The following RHBDL2 variants were observed in gnomAD, a reference collection of about 807,000 sequenced individuals.
The protein encoded by RHBDL2 is rhomboid-related protein 2.
In RHBDL2, 26 loss-of-function variants were observed where a neutral mutation model predicts 31.7. The observed-to-expected ratio is 0.82, with a 90% CI of 0.60 to 1.14. The LOEUF (loss-of-function observed/expected upper bound fraction) is 1.14. Among genes scored for constraint, RHBDL2 ranks in the 50% most tolerant of loss-of-function variants. RHBDL2 has a pLI of 0.00. For synonymous variants in RHBDL2, 123 were observed against 127.2 expected (o/e 0.97, Z 0.22); for missense variants, 336 against 364.4 (o/e 0.92, Z 0.63).
intron 4 of RHBDL2, among the ~76,000 whole-genome samples, chr1:38,898,987 C>T (rs541391422): frequency 2.0e-5 from 3 of 152,302 alleles, no homozygotes; most frequent in Non-Finnish European, 2.9e-5. Flanking sequence ...CAAAACCACA[C>T]ACTGCAGAGG....
chr1:38,922,316 G>A (rs376634277), intron 1 of RHBDL2, among the ~76,000 whole-genome samples: 6 of 134,186 alleles, frequency 4.5e-5, no homozygotes, highest in African/African-American at 1.8e-4. Flanking sequence ...CACCCAGGCT[G>A]GAGTACAGTG....
chr1:38,914,212 C>T (rs531769875), intron 3 of RHBDL2, among the ~76,000 whole-genome samples: 4 of 151,764 alleles, frequency 2.6e-5, no homozygotes, highest in Non-Finnish European at 5.9e-5. Flanking sequence ...AACAGTATCC[C>T]ACACTCATCA....
At chr1:38,912,677 C>T (rs1208190144) in intron 3 of RHBDL2, among the ~76,000 whole-genome samples, 1 of 150,842 alleles carries the variant, frequency 6.6e-6, no homozygotes, top group African/African-American at 2.4e-5. Flanking sequence ...CACCTCAGCC[C>T]CTCAAAGGGC....
At chr1:38,925,916 C>A (rs895884758) in intron 1 of RHBDL2, 2 of 1,249,402 alleles carry the variant, frequency 1.6e-6, no homozygotes, top group African/African-American at 3.1e-5. Context: ...AACTCATATT[C>A]ATTTATAATG....
Position 38,916,477 on chromosome 1 carries a change from A to G in RHBDL2, c.247-767T>C, listed in dbSNP as rs534455180. ...AGGAACAGAAAGAGGACATTAATGG[A>G]GAAACTGGTAAAAATCCAGGTAAAT... On this transcript the variant is annotated intron_variant, in intron 2 of 7. Transcript: ENST00000372990. Among the ~76,000 whole-genome samples the G allele has an allele frequency of 3.3e-5, 5 of 152,284 alleles. No homozygotes were observed. The South Asian group carries it at 1.0e-3, about 32-fold the overall frequency.
At chr1:38,935,263 G>A (rs960846457) in intron 1 of RHBDL2, among the ~76,000 whole-genome samples, 1 of 152,136 alleles carries the variant, frequency 6.6e-6, no homozygotes, top group Non-Finnish European at 1.5e-5. Flanking sequence ...TTTTTAAAAG[G>A]TTCCATAAAT....
chr1:38,936,739 A>G (rs1643515897), intron 1 of RHBDL2, among the ~76,000 whole-genome samples: 2 of 151,720 alleles, frequency 1.3e-5, no homozygotes. Context: ...ACCTCAGGTG[A>G]TCCACCCACC....
intron 6 of RHBDL2, among the ~76,000 whole-genome samples, chr1:38,889,762 G>C (rs572564217): frequency 6.6e-6 from 1 of 152,304 alleles, no homozygotes; most frequent in East Asian, 1.9e-4. Flanking sequence ...GTAGTGCTTG[G>C]AAACATCTCT....
intron 4 of RHBDL2, among the ~76,000 whole-genome samples, chr1:38,908,880 G>C (rs1289847457): frequency 6.6e-6 from 1 of 152,164 alleles, no homozygotes; most frequent in Admixed American, 6.6e-5. Flanking sequence ...AGGAAGAATT[G>C]GATGGATAAC....
Position 38,929,125 on chromosome 1 carries a change from A to G in RHBDL2, c.-125-9788T>C, listed in dbSNP as rs1246176118. ...AAAAATTTAAACAAAAGAAGTGTGA[A>G]TCTTCTTTTTGGTTATTTTCATCCC... On this transcript the variant is annotated intron_variant, in intron 1 of 7. Transcript: ENST00000372990. Among the ~76,000 whole-genome samples, 3 of 152,114 alleles carry G rather than the reference A, an allele frequency of 2.0e-5. No individual in the cohort carries two copies. The East Asian group carries it at 5.8e-4, about 29-fold the overall frequency.
intron 1 of RHBDL2, chr1:38,929,562 C>T: frequency 7.8e-7 from 1 of 1,288,826 alleles, no homozygotes; most frequent in Non-Finnish European, 1.0e-6. Flanking sequence ...CAGCTGGCCC[C>T]ACCCATTCAT....
At chr1:38,893,545 G>T (rs1027948447) in intron 5 of RHBDL2, among the ~76,000 whole-genome samples, 37 of 152,192 alleles carry the variant, frequency 2.4e-4, no homozygotes, top group African/African-American at 7.7e-4. Flanking sequence ...GTTAAACTAA[G>T]ATTGATGAAA....
At chr1:38,924,281 C>T (rs1034463658) in intron 1 of RHBDL2, among the ~76,000 whole-genome samples, 4 of 151,996 alleles carry the variant, frequency 2.6e-5, no homozygotes, top group African/African-American at 9.7e-5. Context: ...AAGATCCCAC[C>T]TGGCCACAAG....
intron 5 of RHBDL2, among the ~76,000 whole-genome samples, chr1:38,893,457 T>C (rs1570912978): frequency 6.6e-6 from 1 of 152,162 alleles, no homozygotes; most frequent in Non-Finnish European, 1.5e-5. Flanking sequence ...ACAATTTTGC[T>C]AGCCAGAAAC....
At chr1:38,893,689 T>C (rs966591776) in intron 5 of RHBDL2, among the ~76,000 whole-genome samples, 9 of 151,716 alleles carry the variant, frequency 5.9e-5, no homozygotes, top group Non-Finnish European at 1.0e-4. Context: ...TTGAAAATAT[T>C]CGTCAAAAAT....
chr1:38,940,353 C>G (rs987630782), intron 1 of RHBDL2, among the ~76,000 whole-genome samples: 1 of 152,092 alleles, frequency 6.6e-6, no homozygotes, highest in African/African-American at 2.4e-5. Flanking sequence ...TAATCCCATG[C>G]CTATGTGGCT....
Position 38,919,262 on chromosome 1 carries a change from G to C in RHBDL2, c.-50C>G. ...AGAAGGACATGAATCCCAGGGAACA[G>C]CAGGTGGCCCTAGGTCCTCAGGCTG... On this transcript the variant is annotated 5_prime_UTR_variant, in exon 2 of 8. Transcript: ENST00000372990. 1 of 1,613,408 alleles carries C rather than the reference G, an allele frequency of 6.2e-7. No individual in the cohort carries two copies. The highest frequency in any genetic ancestry group is 8.5e-7 in the Non-Finnish European group (1 of 1,179,924).
At chr1:38,893,561 A>G (rs1312660626) in intron 5 of RHBDL2, among the ~76,000 whole-genome samples, 1 of 152,242 alleles carries the variant, frequency 6.6e-6, no homozygotes, top group Non-Finnish European at 1.5e-5. Context: ...TGAAATATTC[A>G]TAAGATTTTT....
intron 3 of RHBDL2, among the ~76,000 whole-genome samples, chr1:38,912,041 G>A (rs573848927): frequency 7.9e-5 from 12 of 151,772 alleles, no homozygotes; most frequent in African/African-American, 2.9e-4. Context: ...GCATGATCTC[G>A]GCTCACTGCA....
Sources: allele counts gnomAD v4.1 joint callset (sites outside exome capture counted in the v4.1 genomes callset), GRCh38; gene constraint gnomAD v4.1.1; transcripts MANE v1.5; gene names NCBI Gene and HGNC (gene_info 2026-07-23, HGNC 2026-07-21).